SMUG1: variants seen among roughly 807,000 people sequenced by gnomAD.
SMUG1 encodes single-strand selective monofunctional uracil DNA glycosylase.
SMUG1 carries 13 observed loss-of-function variants against 23.9 expected under a neutral mutation model. The observed-to-expected ratio is 0.54, with a 90% CI of 0.35 to 0.86. SMUG1 has a LOEUF of 0.86. SMUG1 is among the 40% of genes least tolerant of loss of function. The pLI, the probability that SMUG1 is intolerant of heterozygous loss-of-function variation, is 0.01. For synonymous variants in SMUG1, 133 were observed against 139.8 expected (o/e 0.95, Z 0.34); for missense variants, 313 against 339.5 (o/e 0.92, Z 0.61).
chr12:54,183,757 A>T lies in SMUG1; in HGVS notation c.184T>A (p.Trp62Arg), dbSNP rs1444850663. The change falls in exon 3 of 4, where the codon TGG becomes AGG. Residue 62 changes from tryptophan (W) to arginine (R), a missense_variant. Transcript: ENST00000682136. ...GIIYNPVEYA[W>R]EPHRNYVTRY... ...GTCACGTAGTTGCGATGTGGCTCCCATGCATACTCCACGGGATTGTAGATG... is the reference window on the plus strand; with the variant it reads ...GTCACGTAGTTGCGATGTGGCTCCCTTGCATACTCCACGGGATTGTAGATG... 1.2e-6 allele frequency: 2 copies of T among 1,614,062 alleles called. No homozygotes were observed. The highest frequency in any genetic ancestry group is 2.2e-5 in the South Asian group (2 of 91,076).
chr12:54,181,774 TAA>T lies in SMUG1; in HGVS notation c.*320_*321del. 3.5e-6 allele frequency: 5 copies of T among 1,444,030 alleles called. No homozygotes were observed. The highest frequency in any genetic ancestry group is 2.7e-5 in the Admixed American group (1 of 37,032). 89.5% of individuals were successfully genotyped at this position (1,444,030 alleles called of 1,614,324 possible). On this transcript the variant is annotated 3_prime_UTR_variant, in exon 4 of 4. Transcript: ENST00000682136. ...ACTGTCTAGGGCACTCTCAGCTGAA[TAA>T]AGTCTCCCAAGGAAACACTGAGGTA...
intron 3 of SMUG1, chr12:54,171,919 G>A (rs1041998758): frequency 9.5e-5 from 33 of 345,604 alleles, no homozygotes; most frequent in Non-Finnish European, 1.7e-4. Flanking sequence ...TCTTTCATAC[G>A]CTCTCACTAA....
At chr12:54,176,216 A>G (rs576407034), downstream of SMUG1, among the ~76,000 whole-genome samples, 25 of 151,436 alleles carry the variant, frequency 1.7e-4, no homozygotes, top group East Asian at 4.3e-3. Context: ...ACAAGAGCAA[A>G]ACTCCATCTA....
chr12:54,185,809 T>G (rs1942327601), intron 2 of SMUG1, among the ~76,000 whole-genome samples: 1 of 151,948 alleles, frequency 6.6e-6, no homozygotes, highest in South Asian at 2.1e-4. Flanking sequence ...AGAGGGAGAC[T>G]GTCTCAAAAC....
In SMUG1 at chr12:54,181,654, G is replaced by A. The variant is rs1265594171; in HGVS notation, c.*442C>T. On this transcript the variant is annotated 3_prime_UTR_variant, in exon 4 of 4. Transcript: ENST00000682136. The stretch of plus-strand genomic sequence containing the variant: ...CCATGCTTTGTCTTGGTCCCTGTGA[G>A]GAAAGGGGTCAGCTAAAGGTAACTG... 1 of 1,589,330 alleles carries A rather than the reference G, an allele frequency of 6.3e-7. No homozygotes were observed. The highest frequency in any genetic ancestry group is 2.2e-5 in the East Asian group (1 of 44,762).
downstream of SMUG1, chr12:54,162,464 G>C (rs2136528874): frequency 6.6e-6 from 1 of 152,250 alleles, no homozygotes; most frequent in East Asian, 1.9e-4. Context: ...GCTTCAGTCT[G>C]AGCCTCTCTC....
intron 3 of SMUG1, among the ~76,000 whole-genome samples, chr12:54,166,344 G>C (rs1222193668): frequency 6.6e-6 from 1 of 152,222 alleles, no homozygotes; most frequent in East Asian, 1.9e-4. Flanking sequence ...CTGTGCAACA[G>C]AGCGAGACTG....
At position 54,182,258 on chromosome 12, in the gene SMUG1, T is replaced by C; in HGVS notation, c.651A>G (p.Ala217=). The change falls in exon 4 of 4, where the codon GCA becomes GCG. Residue 217 remains alanine (A), a synonymous_variant. Coordinates refer to ENST00000682136, the MANE Select transcript of SMUG1 (RefSeq NM_001243787.2). ...CCAGAGCCCGTCGTGCCCGCTGCTCTGCCAGTCGCCCAACTCCCACCACCA... is the reference window on the plus strand; with the variant it reads ...CCAGAGCCCGTCGTGCCCGCTGCTCCGCCAGTCGCCCAACTCCCACCACCA... ...VRLVVGVGRL[A]EQRARRALAG... 1 of 1,612,150 alleles carries C rather than the reference T, an allele frequency of 6.2e-7. No homozygotes were observed. The highest frequency in any genetic ancestry group is 8.5e-7 in the Non-Finnish European group (1 of 1,178,796).
Position 54,183,961 on chromosome 12 carries a change from T to C in SMUG1, c.-19-2A>G. The C allele has an allele frequency of 2.0e-6, 3 of 1,501,664 alleles. No homozygotes were observed. The highest frequency in any genetic ancestry group is 2.8e-5 in the African/African-American group (2 of 72,530). 93.0% of individuals were successfully genotyped at this position (1,501,664 alleles called of 1,614,324 possible). A position where few individuals can be genotyped will look rare whatever the true frequency, so the allele number is the denominator to read the frequency against. On this transcript the variant is annotated splice_acceptor_variant, in intron 2 of 3. Coordinates refer to ENST00000682136, the MANE Select transcript of SMUG1 (RefSeq NM_001243787.2). LOFTEE classifies it low-confidence loss of function (5UTR_SPLICE). Reference sequence around the variant, plus strand: ...GGCATATGTCCATGCCGCTGTCACCTGGGAAAAGAGATGGACAGAAGCCCC... The same window carrying C: ...GGCATATGTCCATGCCGCTGTCACCCGGGAAAAGAGATGGACAGAAGCCCC...
chr12:54,173,603 G>A (rs927651587), intron 2 of SMUG1, among the ~76,000 whole-genome samples: 4 of 152,230 alleles, frequency 2.6e-5, no homozygotes, highest in Non-Finnish European at 4.4e-5. Context: ...CGCCGCGCGG[G>A]CTGGTTATGC....
chr12:54,174,725 C>A (rs1007208379), intron 2 of SMUG1, among the ~76,000 whole-genome samples: 2 of 152,226 alleles, frequency 1.3e-5, no homozygotes, highest in African/African-American at 4.8e-5. Context: ...GGGCTCTCAG[C>A]CATCCCTCCT....
At chr12:54,169,830 C>T (rs1421966433) in intron 3 of SMUG1, among the ~76,000 whole-genome samples, 1 of 152,168 alleles carries the variant, frequency 6.6e-6, no homozygotes, top group Non-Finnish European at 1.5e-5. Flanking sequence ...ATTCAAAAGG[C>T]AGGGTGGGCT....
Position 54,185,483 on chromosome 12 carries a change from AAAAAATAAATAAAT to A in SMUG1, c.-19-1538_-19-1525del, listed in dbSNP as rs1315667910. On this transcript the variant is annotated intron_variant, in intron 2 of 3. Coordinates refer to ENST00000682136, the MANE Select transcript of SMUG1 (RefSeq NM_001243787.2). ...ACTCCATCTCAAAAAAAAATAAAAT[AAAAAATAAATAAAT>A]AAATAAATAAATAAATAAATAAATA... is the stretch of plus-strand genomic sequence containing the variant. Among the ~76,000 whole-genome samples the A allele has an allele frequency of 2.6e-4, 18 of 68,674 alleles. 1 individual carries two copies. Among genetic ancestry groups the A allele is most frequent in the African/African-American group, 7.6e-4 (16 of 21,016 alleles). 45.1% of individuals were successfully genotyped at this position (68,674 alleles called of 152,430 possible). A position where few individuals can be genotyped will look rare whatever the true frequency, so the allele number is the denominator to read the frequency against.
chr12:54,165,259 C>T (rs1181987047), intron 4 of SMUG1: 1 of 152,180 alleles, frequency 6.6e-6, no homozygotes, highest in Non-Finnish European at 1.5e-5. Flanking sequence ...CGTTTTGGGG[C>T]CAGTTGTCAG....
At chr12:54,163,473 C>T (rs1592336284), downstream of SMUG1, among the ~76,000 whole-genome samples, 3 of 152,244 alleles carry the variant, frequency 2.0e-5, no homozygotes, top group African/African-American at 4.8e-5. Flanking sequence ...GGCAATGTAT[C>T]GTTAGTAGCA....
chr12:54,181,907 C>A lies in SMUG1; in HGVS notation c.*189G>T. ...GTAAAGAAAGCAGGAATCAGGAGGG[C>A]AAACAGGAGTAGTGTCAAAACTGCC... On this transcript the variant is annotated 3_prime_UTR_variant, in exon 4 of 4. Coordinates refer to ENST00000682136, the MANE Select transcript of SMUG1 (RefSeq NM_001243787.2). 5 of 1,433,762 alleles carry A rather than the reference C, an allele frequency of 3.5e-6. No individual in the cohort carries two copies. The highest frequency in any genetic ancestry group is 3.6e-6 in the Non-Finnish European group (4 of 1,097,004). The allele number at this position is 1,433,762 out of a possible 1,614,324, so 88.8% of individuals were successfully genotyped here.
downstream of SMUG1, among the ~76,000 whole-genome samples, chr12:54,177,981 C>A (rs1053697950): frequency 1.3e-5 from 2 of 152,074 alleles, no homozygotes; most frequent in Non-Finnish European, 2.9e-5. Context: ...TAAAGAGGCA[C>A]CTAAGGTTAA....
chr12:54,179,348 C>CT, downstream of SMUG1, among the ~76,000 whole-genome samples: 1 of 152,310 alleles, frequency 6.6e-6, no homozygotes, highest in South Asian at 2.1e-4. Flanking sequence ...GTGCTGTTCT[C>CT]TAAGTTATCC....
chr12:54,179,264 T>C (rs1180167515), downstream of SMUG1, among the ~76,000 whole-genome samples: 5 of 152,172 alleles, frequency 3.3e-5, no homozygotes, highest in Non-Finnish European at 7.4e-5. Flanking sequence ...AATAAACTCC[T>C]TTTCATATAT....
Sources: gnomAD v4.1 joint callset for allele counts (sites outside exome capture counted in the v4.1 genomes callset) on GRCh38, gnomAD v4.1.1 for gene constraint, MANE v1.5 for transcripts, NCBI Gene and HGNC (gene_info 2026-07-23, HGNC 2026-07-21) for gene names.